NXPE3: variants seen among roughly 807,000 people sequenced by gnomAD.
The protein encoded by NXPE3 is neurexophilin and PC-esterase domain family member 3.
NXPE3 carries 26 observed loss-of-function variants against 46.1 expected under a neutral mutation model. The ratio of observed to expected loss-of-function variants is 0.56; its 90% CI spans 0.41 to 0.78. NXPE3 has a LOEUF of 0.78. Among genes scored for constraint, NXPE3 ranks in the 30% least tolerant of loss-of-function variants. NXPE3 has a pLI of 0.00. For missense variants in NXPE3, 620 were observed against 686.0 expected, an observed-to-expected ratio of 0.90 and a Z score of 1.07; for synonymous variants, 272 against 257.9, an observed-to-expected ratio of 1.05 and a Z score of -0.52.
Position 101,801,635 on chromosome 3 carries a change from A to G in NXPE3, c.494A>G (p.Gln165Arg). ...GCTGTGGGCAGGGTGGTGGATTACC[A>G]GAATGGGTTTTACAAGGTTTTCTTT... ...AGAVGRVVDYQNGFYKVFFTL... is the reference protein window; with the variant it reads ...AGAVGRVVDYRNGFYKVFFTL... The change falls in exon 5 of 8, where the codon CAG becomes CGG. Residue 165 changes from glutamine to arginine, a missense_variant. Transcript: ENST00000273347. 1.9e-6 allele frequency: 3 copies of G among 1,614,236 alleles called. No individual in the cohort carries two copies. The highest frequency in any genetic ancestry group is 2.5e-6 in the Non-Finnish European group (3 of 1,180,040).
chr3:101,803,164 T>A (rs1941246324), intron 5 of NXPE3, among the ~76,000 whole-genome samples: 1 of 152,212 alleles, frequency 6.6e-6, no homozygotes, highest in South Asian at 2.1e-4. Context: ...GTATTTTTGT[T>A]AAGGATATCT....
At chr3:101,811,727 A>ATTTTTTTTTTT (rs33999838) in intron 6 of NXPE3, among the ~76,000 whole-genome samples, 1 of 98,622 alleles carries the variant, frequency 1.0e-5, no homozygotes, top group African/African-American at 3.8e-5. Context: ...GCAGTAGTTA[A>ATTTTTTTTTTT]TTTTTTTTTT....
rs1029799123 is a variant in NXPE3, at chr3:101,785,571, A to G, written c.-26A>G. On this transcript the variant is annotated 5_prime_UTR_variant, in exon 4 of 8. An upstream start codon of the reference 5' UTR is lost. Transcript: ENST00000273347. ...GAGTGAAGGTAGCATGGTGTCGGCC[A>G]TGGGTGAACAAGACACAGCCAGACA... 1 of 1,600,860 alleles carries G rather than the reference A, an allele frequency of 6.2e-7. No individual in the cohort carries two copies. Among genetic ancestry groups the G allele is most frequent in the Non-Finnish European group, 8.6e-7 (1 of 1,168,004 alleles).
chr3:101,801,117 ATCTGATTGAGC>A (rs1941117181), intron 4 of NXPE3, 107 bp from the exon 5 acceptor site: 1 of 1,103,938 alleles, frequency 9.1e-7, no homozygotes, highest in African/African-American at 1.6e-5. Flanking sequence ...CACTGTGAGA[ATCTGATTGAGC>A]TCCTGGAGCT....
intron 6 of NXPE3, among the ~76,000 whole-genome samples, chr3:101,816,271 CT>C (rs373174596): frequency 0.19 from 27,334 of 147,178 alleles, 3,128 homozygotes; most frequent in Middle Eastern, 0.3. Flanking sequence ...AAAGGAAAAC[CT>C]TTTTTTTTTT....
At chr3:101,804,114 GA>G (rs1941298589) in intron 5 of NXPE3, among the ~76,000 whole-genome samples, 1 of 152,034 alleles carries the variant, frequency 6.6e-6, no homozygotes, top group Non-Finnish European at 1.5e-5. Context: ...TAATTGTTTT[GA>G]AATATATAGT....
At chr3:101,819,655 T>C (rs983888404) in intron 7 of NXPE3, among the ~76,000 whole-genome samples, 2 of 152,194 alleles carry the variant, frequency 1.3e-5, no homozygotes, top group Non-Finnish European at 1.5e-5. Context: ...CAGATAAGTA[T>C]ATTTATGGGG....
intron 5 of NXPE3, among the ~76,000 whole-genome samples, chr3:101,806,591 T>A (rs1941429386): frequency 6.6e-6 from 1 of 152,202 alleles, no homozygotes; most frequent in Non-Finnish European, 1.5e-5. Flanking sequence ...AGCAAAGTAC[T>A]GCATGAGTAA....
At chr3:101,810,677 A>T (rs929853008) in intron 6 of NXPE3, among the ~76,000 whole-genome samples, 2 of 152,170 alleles carry the variant, frequency 1.3e-5, no homozygotes, top group Admixed American at 1.3e-4. Context: ...TTTAAAGATG[A>T]AGGGGGCCAC....
At chr3:101,780,932 A>T (rs1939783909) in intron 1 of NXPE3, among the ~76,000 whole-genome samples, 1 of 152,156 alleles carries the variant, frequency 6.6e-6, no homozygotes, top group Admixed American at 6.5e-5. Context: ...CCCCTGCTTC[A>T]TCTTTTTTCA....
intron 5 of NXPE3, among the ~76,000 whole-genome samples, chr3:101,806,343 G>A (rs535955357): frequency 6.6e-5 from 10 of 152,064 alleles, no homozygotes; most frequent in South Asian, 6.2e-4. Flanking sequence ...CCCGGATTTC[G>A]AGTGCTTTTC....
intron 4 of NXPE3, among the ~76,000 whole-genome samples, chr3:101,798,008 C>T (rs1403041500): frequency 1.7e-5 from 2 of 119,386 alleles, no homozygotes; most frequent in South Asian, 6.6e-4. Flanking sequence ...ACACTGACTT[C>T]CACAATGGTT....
chr3:101,795,030 G>T (rs975337906), intron 4 of NXPE3, among the ~76,000 whole-genome samples: 1 of 152,172 alleles, frequency 6.6e-6, no homozygotes, highest in Non-Finnish European at 1.5e-5. Context: ...CTGTTGTCAT[G>T]AATTTTAAGC....
intron 6 of NXPE3, among the ~76,000 whole-genome samples, chr3:101,812,628 C>A (rs35512665): frequency 0.086 from 13,080 of 151,692 alleles, 801 homozygotes; most frequent in Non-Finnish European, 0.14. Flanking sequence ...CTGGCTAACA[C>A]GGTGAAACCC....
chr3:101,801,784 C>G lies in NXPE3; in HGVS notation c.643C>G (p.Arg215Gly). The change falls in exon 5 of 8, where the codon CGT becomes GGT. Residue 215 changes from arginine (R) to glycine (G), a missense_variant. Arg to Gly is a moderately radical substitution (Grantham distance 125). This residue lies in a region of NXPE3 where 511 missense variants were observed against 528.6 expected (regional missense o/e 0.97). Transcript: ENST00000273347. ...PDRVYFKSLF[R>G]SGRISETTEC... ...CAGGGTCTATTTCAAGAGTCTCTTC[C>G]GTTCAGGAAGAATTTCTGAAACTAC... 1 of 1,614,182 alleles carries G rather than the reference C, an allele frequency of 6.2e-7. No individual in the cohort carries two copies. Among genetic ancestry groups the G allele is most frequent in the South Asian group, 1.1e-5 (1 of 91,078 alleles).
intron 4 of NXPE3, among the ~76,000 whole-genome samples, chr3:101,792,638 C>T (rs1940586688): frequency 6.6e-6 from 1 of 152,028 alleles, no homozygotes; most frequent in Non-Finnish European, 1.5e-5. Flanking sequence ...TGTTTTTGTA[C>T]CAGTACTATT....
At chr3:101,781,072 A>G (rs1222047333) in intron 1 of NXPE3, among the ~76,000 whole-genome samples, 7 of 152,192 alleles carry the variant, frequency 4.6e-5, no homozygotes, top group Non-Finnish European at 1.0e-4. Flanking sequence ...ACTCTTTGCA[A>G]AGTTTGAAAT....
At chr3:101,820,798 C>T (rs1000525263) in intron 7 of NXPE3, among the ~76,000 whole-genome samples, 1 of 152,182 alleles carries the variant, frequency 6.6e-6, no homozygotes, top group African/African-American at 2.4e-5. Flanking sequence ...TGCATGTTCT[C>T]ACTTATAAGC....
chr3:101,795,870 A>G (rs1940803798), intron 4 of NXPE3, among the ~76,000 whole-genome samples: 2 of 152,156 alleles, frequency 1.3e-5, no homozygotes, highest in Non-Finnish European at 2.9e-5. Context: ...CCTTTCATCT[A>G]TGGCATCCTC....
Sources: allele counts gnomAD v4.1 joint callset (sites outside exome capture counted in the v4.1 genomes callset), GRCh38; gene constraint gnomAD v4.1.1; regional missense constraint gnomAD v4.1.1; transcripts MANE v1.5; gene names NCBI Gene and HGNC (gene_info 2026-07-23, HGNC 2026-07-21).